FNTB: variants seen among roughly 807,000 people sequenced by gnomAD.
The protein encoded by FNTB is farnesyltransferase, CAAX box, subunit beta.
Under a neutral mutation model 59.4 loss-of-function variants are expected in FNTB, and 27 were observed. The ratio of observed to expected loss-of-function variants is 0.45; its 90% CI spans 0.34 to 0.63. The LOEUF is 0.63. FNTB is among the 20% of genes least tolerant of loss of function. The probability of loss-of-function intolerance (pLI) is 0.02; values close to 1 mark genes in which losing one functional copy is unlikely to be tolerated. For synonymous variants in FNTB, 230 were observed against 220.7 expected (o/e 1.04, Z -0.37); for missense variants, 449 against 559.6 (o/e 0.80, Z 1.99).
rs1163292552 is a variant in FNTB, at chr14:64,990,633, A to G, written c.144+3536A>G. 6.6e-6 allele frequency among the ~76,000 whole-genome samples: 1 copy of G among 152,144 alleles called. No homozygotes were observed. The highest frequency in any genetic ancestry group is 1.9e-4 in the East Asian group (1 of 5,200). On this transcript the variant is annotated intron_variant, in intron 1 of 11. Coordinates refer to ENST00000246166, the MANE Select transcript of FNTB (RefSeq NM_002028.4). The surrounding 1 kb of genome is among the most constrained non-coding windows in gnomAD (Gnocchi z 5.2). ...TAGTTCCTTTATAAACTCTCCTCAA[A>G]TCACCCACTTTGTGCCATCTGTTTC...
At chr14:65,008,508 C>T (rs2139496908) in intron 2 of FNTB, among the ~76,000 whole-genome samples, 1 of 152,294 alleles carries the variant, frequency 6.6e-6, no homozygotes, top group South Asian at 2.1e-4. Context: ...ATACAGTTAC[C>T]GATGGGATAA....
chr14:65,051,501 C>T (rs950797087), intron 9 of FNTB, among the ~76,000 whole-genome samples: 2 of 151,886 alleles, frequency 1.3e-5, no homozygotes, highest in African/African-American at 2.4e-5. Flanking sequence ...ATCCCAGCTA[C>T]TCGGGAGGCT....
At position 65,033,033 on chromosome 14, in the gene FNTB, C is replaced by G. The variant is rs139312294; in HGVS notation, c.692+337C>G. On this transcript the variant is annotated intron_variant, in intron 7 of 11. Coordinates refer to ENST00000246166, the MANE Select transcript of FNTB (RefSeq NM_002028.4). Reference sequence around the variant, plus strand: ...CCAGTAATTCCACTCCCACAGAAACCCTTGCACACACGAATGGGAGAGAGG... The same window carrying G: ...CCAGTAATTCCACTCCCACAGAAACGCTTGCACACACGAATGGGAGAGAGG... 8.5e-5 allele frequency among the ~76,000 whole-genome samples: 13 copies of G among 152,210 alleles called. No homozygotes were observed. In the East Asian group the frequency reaches 2.5e-3, roughly 29 times the overall value.
Position 65,054,546 on chromosome 14 carries a change from C to T in FNTB, c.1068-29C>T, listed in dbSNP as rs202134215. 42 of 1,600,536 alleles carry T rather than the reference C, an allele frequency of 2.6e-5. No individual in the cohort carries two copies. Among genetic ancestry groups the T allele is most frequent in the African/African-American group, 2.1e-4 (16 of 74,600 alleles). ...TGTAGATGTGTGCGGAGCAGAGGAG[C>T]GCCTGCTCAGAGCTGCCTGTCCTTA... On this transcript the variant is annotated intron_variant, in intron 10 of 11. Coordinates refer to ENST00000246166, the MANE Select transcript of FNTB (RefSeq NM_002028.4). This position sits in a 1 kb window ranked among gnomAD's most constrained non-coding sequence, Gnocchi z 4.4.
Position 65,061,366 on chromosome 14 carries a change from T to C in FNTB, c.*54T>C. ...CACCCATCTCCCCAGTCAGACAAGG[T>C]TTATACGTTTCAATACATACTGCAT... On this transcript the variant is annotated 3_prime_UTR_variant, in exon 12 of 12. Transcript: ENST00000246166. 6.2e-7 allele frequency: 1 copy of C among 1,609,740 alleles called. No homozygotes were observed. Among genetic ancestry groups the C allele is most frequent in the South Asian group, 1.1e-5 (1 of 90,748 alleles).
chr14:64,988,911 A>G (rs1034703983), intron 1 of FNTB, among the ~76,000 whole-genome samples: 7 of 152,114 alleles, frequency 4.6e-5, no homozygotes, highest in African/African-American at 1.7e-4. Context: ...TAATCATGTT[A>G]GTGACCATTT....
At chr14:64,987,505 G>A in intron 1 of FNTB, 2 of 207,742 alleles carry the variant, frequency 9.6e-6, no homozygotes, top group Non-Finnish European at 2.0e-5. Context: ...CAGAGAGCAG[G>A]GCCAGGCTGC....
At chr14:65,060,077 T>C (rs1439073720) in intron 11 of FNTB, among the ~76,000 whole-genome samples, 1 of 151,554 alleles carries the variant, frequency 6.6e-6, no homozygotes, top group Non-Finnish European at 1.5e-5. Flanking sequence ...GGGTGATCCA[T>C]CCACCTCGGC....
In FNTB at chr14:65,060,697, CAAAAAAAAAAAAAA is replaced by C. The variant is rs59036615; in HGVS notation, c.1183-479_1183-466del. On this transcript the variant is annotated intron_variant, in intron 11 of 11. Coordinates refer to ENST00000246166, the MANE Select transcript of FNTB (RefSeq NM_002028.4). ...GGCGACAGAGCGAGAGACTCCGTCT[CAAAAAAAAAAAAAA>C]AAAATACAAAAATTACCCAGGCGTG... Among the ~76,000 whole-genome samples, 135 of 48,608 alleles carry C rather than the reference CAAAAAAAAAAAAAA, an allele frequency of 2.8e-3. 38 individuals are homozygous for C. In the African/African-American group the frequency reaches 0.032, roughly 12 times the overall value. 31.9% of individuals were successfully genotyped at this position (48,608 alleles called of 152,430 possible).
rs1888153292 is a variant in FNTB at position 64,990,459 on chromosome 14, T to C, written c.144+3362T>C. On this transcript the variant is annotated intron_variant, in intron 1 of 11. Coordinates refer to ENST00000246166, the MANE Select transcript of FNTB (RefSeq NM_002028.4). The surrounding 1 kb of genome is among the most constrained non-coding windows in gnomAD (Gnocchi z 5.2). ...AGACTTAAGGTCACATTTCCTGTCA[T>C]GTGCCTTCTCTGCGGAGCTCTTTGT... 6.6e-6 allele frequency among the ~76,000 whole-genome samples: 1 copy of C among 152,202 alleles called. No individual in the cohort carries two copies.
chr14:65,036,467 G>A (rs899182604), intron 7 of FNTB, among the ~76,000 whole-genome samples: 20 of 151,610 alleles, frequency 1.3e-4, no homozygotes, highest in Admixed American at 1.2e-3. Context: ...AAACCCCTGA[G>A]CTTAAGCAAT....
intron 1 of FNTB, chr14:65,003,309 A>G (rs1200476148): frequency 6.6e-6 from 1 of 152,198 alleles, no homozygotes; most frequent in East Asian, 1.9e-4. Flanking sequence ...CAGTTTTACA[A>G]TAAGAAGCAT....
rs563084946 is a variant in FNTB at position 64,998,134 on chromosome 14, G to A, written c.145-6115G>A. 2.8e-4 allele frequency among the ~76,000 whole-genome samples: 43 copies of A among 152,280 alleles called. No individual in the cohort carries two copies. In the South Asian group the frequency reaches 5.4e-3, roughly 19 times the overall value. ...CTTTACTAGTTGAGAAGAAAAGTAC[G>A]TTACTGTTTTTAAATTATGAATGAA... is the stretch of plus-strand genomic sequence containing the variant. On this transcript the variant is annotated intron_variant, in intron 1 of 11. Coordinates refer to ENST00000246166, the MANE Select transcript of FNTB (RefSeq NM_002028.4).
intron 11 of FNTB, 54 bp from the exon 12 acceptor site, chr14:65,061,127 A>G (rs1265843525): frequency 6.2e-7 from 1 of 1,601,494 alleles, no homozygotes; most frequent in Non-Finnish European, 8.5e-7. Context: ...AGGATGTGTT[A>G]TGTTTTCAAG....
intron 4 of FNTB, chr14:65,016,503 C>T (rs2061775601): frequency 6.6e-6 from 1 of 152,232 alleles, no homozygotes; most frequent in Admixed American, 6.6e-5. Flanking sequence ...GTCGAAGCAT[C>T]TGGGATGAGA....
intron 11 of FNTB, among the ~76,000 whole-genome samples, chr14:65,055,846 T>C (rs2062724451): frequency 6.6e-6 from 1 of 152,142 alleles, no homozygotes; most frequent in East Asian, 1.9e-4. Flanking sequence ...TTGGGAAACA[T>C]TTCAAATGGA....
intron 9 of FNTB, among the ~76,000 whole-genome samples, chr14:65,049,139 A>AT (rs1351260756): frequency 6.6e-6 from 1 of 152,114 alleles, no homozygotes. Flanking sequence ...AAAAAAAAAA[A>AT]AAGGCTTAAG....
At chr14:65,021,975 C>T in intron 4 of FNTB, 1 of 456,040 alleles carries the variant, frequency 2.2e-6, no homozygotes. Flanking sequence ...CCTGACCATT[C>T]TTCCAGAACA....
intron 7 of FNTB, among the ~76,000 whole-genome samples, chr14:65,037,781 T>G (rs914742194): frequency 2.8e-5 from 4 of 145,296 alleles, no homozygotes; most frequent in Non-Finnish European, 6.0e-5. Context: ...TATTTATTTA[T>G]TTATTTATTT....
Sources: gnomAD v4.1 joint callset for allele counts (sites outside exome capture counted in the v4.1 genomes callset) on GRCh38, gnomAD v4.1.1 for gene constraint, Gnocchi (gnomAD v3.1) non-coding constraint, MANE v1.5 for transcripts, NCBI Gene and HGNC (gene_info 2026-07-23, HGNC 2026-07-21) for gene names.